The following ZP3 variants were observed in gnomAD, a reference collection of about 807,000 sequenced individuals.
ZP3 encodes zona pellucida glycoprotein 3.
A neutral mutation model predicts 35.6 loss-of-function variants in ZP3; 21 were observed. The ratio of observed to expected loss-of-function variants is 0.59; its 90% CI spans 0.42 to 0.85. The LOEUF (loss-of-function observed/expected upper bound fraction) is 0.85, where lower values mean the gene tolerates loss of function less well. Among genes scored for constraint, ZP3 ranks in the 40% least tolerant of loss-of-function variants. The probability of loss-of-function intolerance (pLI) is 0.00; values close to 1 mark genes in which losing one functional copy is unlikely to be tolerated. For missense variants in ZP3, 437 were observed against 536.5 expected (o/e 0.81, Z 1.83); for synonymous variants, 207 against 214.5 (o/e 0.96, Z 0.31).
intron 5 of ZP3, among the ~76,000 whole-genome samples, chr7:76,435,164 G>A (rs1208103493): frequency 6.6e-6 from 1 of 152,166 alleles, no homozygotes; most frequent in East Asian, 1.9e-4. Flanking sequence ...GGTTAACACG[G>A]TGAAACCCCC....
rs1805883881 is a variant in ZP3 at position 76,433,139 on chromosome 7, T to TTTTGGTTGGTTTTGGTTGGC, written c.535+128_535+129insCTTTGGTTGGTTTTGGTTGG. ...TTTGTTTGGTTTTGGTTTTGGTTGGTTTTGGTTGGTTTTGGTTGGTTTTGG... is the reference window on the plus strand; with the variant it reads ...TTTGTTTGGTTTTGGTTTTGGTTGGTTTTGGTTGGTTTTGGTTGGCTTTGGTTGGTTTTGGTTGGTTTTGG... On this transcript the variant is annotated intron_variant, in intron 3 of 7. Coordinates refer to ENST00000394857, the MANE Select transcript of ZP3 (RefSeq NM_001110354.2). The TTTTGGTTGGTTTTGGTTGGC allele has an allele frequency of 3.4e-5, 22 of 651,536 alleles. No homozygotes were observed. The South Asian group carries it at 4.1e-4, about 12-fold the overall frequency. The allele number at this position is 651,536 out of a possible 1,614,324, so 40.4% of individuals were successfully genotyped here. A position where few individuals can be genotyped will look rare whatever the true frequency, so the allele number is the denominator to read the frequency against.
chr7:76,425,556 G>A (rs1265140078), intron 1 of ZP3, among the ~76,000 whole-genome samples: 1 of 152,006 alleles, frequency 6.6e-6, no homozygotes, highest in African/African-American at 2.4e-5. Flanking sequence ...GTGGGTTTGT[G>A]ACACACACAG....
At position 76,429,624 on chromosome 7, in the gene ZP3, G is replaced by T. The variant is rs772430243; in HGVS notation, c.422G>T (p.Arg141Leu). The T allele has an allele frequency of 1.9e-6, 3 of 1,613,922 alleles. No individual in the cohort carries two copies. The highest frequency in any genetic ancestry group is 1.1e-5 in the South Asian group (1 of 91,060). Reference sequence around the variant, plus strand: ...CGCGCAGAGATTCCCATCGAGTGCCGCTACCCCAGGTCGGTGTGGGACTGA... The same window carrying T: ...CGCGCAGAGATTCCCATCGAGTGCCTCTACCCCAGGTCGGTGTGGGACTGA... Reference protein sequence around the residue: ...TNRAEIPIECRYPRQGNVSSQ... With the variant: ...TNRAEIPIECLYPRQGNVSSQ... The change falls in exon 2 of 8, where the codon CGC becomes CTC. Residue 141 changes from arginine (R) to leucine (L), a missense_variant. Coordinates refer to ENST00000394857, the MANE Select transcript of ZP3 (RefSeq NM_001110354.2).
intron 2 of ZP3, 146 bp downstream of exon 2, chr7:76,429,779 G>T: frequency 1.4e-6 from 1 of 708,916 alleles, no homozygotes; most frequent in Non-Finnish European, 2.4e-6. Flanking sequence ...ACTGTACTGC[G>T]TGGGATTGTG....
chr7:76,429,293 T>TG (rs1273658668), intron 1 of ZP3: 3 of 530,828 alleles, frequency 5.7e-6, no homozygotes, highest in Non-Finnish European at 1.0e-5. Context: ...TTTGTAGAGA[T>TG]GGGGTCTTGC....
intron 1 of ZP3, among the ~76,000 whole-genome samples, chr7:76,405,339 C>CTTTCTTTCTTTCTTTTTTTCTT (rs1271510975): frequency 4.7e-5 from 1 of 21,394 alleles, no homozygotes; most frequent in Admixed American, 6.1e-4. Context: ...TTCTTTCTTT[C>CTTTCTTTCTTTCTTTTTTTCTT]TTTTTTTTTT....
chr7:76,405,293 A>T (rs1216387146), intron 1 of ZP3, among the ~76,000 whole-genome samples: 10 of 47,070 alleles, frequency 2.1e-4, no homozygotes, highest in African/African-American at 9.8e-4. Context: ...ATATATATAT[A>T]TATATATATA....
In ZP3 at chr7:76,400,559, G is replaced by A. The variant is rs528086616; in HGVS notation, c.-67+2762G>A. The A allele has an allele frequency of 1.3e-4, 188 of 1,497,632 alleles. No homozygotes were observed. In the African/African-American group the frequency reaches 1.9e-3, roughly 15 times the overall value. 92.8% of individuals were successfully genotyped at this position (1,497,632 alleles called of 1,614,324 possible). On this transcript the variant is annotated intron_variant, in intron 1 of 8. Coordinates refer to the ZP3 transcript ENST00000336517. ...CCGTGCATGACTTCCAGGCGGCCCC[G>A]GCAGCGGCTGGGGCCCCCCACCAGC...
chr7:76,437,203 T>G (rs1584072466), intron 5 of ZP3, among the ~76,000 whole-genome samples: 1 of 117,994 alleles, frequency 8.5e-6, no homozygotes, highest in Admixed American at 1.2e-4. Flanking sequence ...TTGGACAGAG[T>G]CTCGCTCTGT....
intron 1 of ZP3, among the ~76,000 whole-genome samples, chr7:76,427,453 T>C (rs1454282600): frequency 6.7e-6 from 1 of 149,060 alleles, no homozygotes; most frequent in Non-Finnish European, 1.5e-5. Context: ...GAGGCGTAGG[T>C]TGCAGTGAGT....
At chr7:76,433,899 A>T (rs1462564296) in intron 4 of ZP3, 139 bp from the exon 5 acceptor site, 1 of 900,732 alleles carries the variant, frequency 1.1e-6, no homozygotes, top group African/African-American at 1.7e-5. Context: ...AGGTTTCACC[A>T]TGTTTGCCAG....
chr7:76,424,197 C>T (rs1377030253), upstream of ZP3, among the ~76,000 whole-genome samples: 2 of 152,150 alleles, frequency 1.3e-5, no homozygotes, highest in Non-Finnish European at 2.9e-5. Flanking sequence ...GCTCCCTTGC[C>T]GGGCTGCGAG....
chr7:76,399,522 A>G (rs548263129), intron 1 of ZP3, among the ~76,000 whole-genome samples: 2 of 151,318 alleles, frequency 1.3e-5, no homozygotes, highest in African/African-American at 4.8e-5. Context: ...GGCCAGTGTG[A>G]CCCCAATAGT....
chr7:76,425,797 T>TC (rs1254118032), intron 1 of ZP3, among the ~76,000 whole-genome samples: 3 of 152,074 alleles, frequency 2.0e-5, no homozygotes, highest in Non-Finnish European at 4.4e-5. Flanking sequence ...AGACCCCATC[T>TC]CTTAAGCCTT....
intron 1 of ZP3, among the ~76,000 whole-genome samples, chr7:76,426,906 AC>A (rs201100638): frequency 0.025 from 3,642 of 145,670 alleles, 136 homozygotes; most frequent in East Asian, 0.13. Flanking sequence ...ACACACACAC[AC>A]AATAGGGTGT....
chr7:76,405,274 TATATATATA>T (rs1804964219), intron 1 of ZP3, among the ~76,000 whole-genome samples: 25 of 21,244 alleles, frequency 1.2e-3, no homozygotes, highest in African/African-American at 1.9e-3. Flanking sequence ...CAGCTAATTA[TATATATATA>T]TATATATATA....
intron 7 of ZP3, among the ~76,000 whole-genome samples, chr7:76,441,237 T>C (rs538723709): frequency 2.6e-5 from 4 of 151,510 alleles, no homozygotes; most frequent in Admixed American, 6.6e-5. Flanking sequence ...TTGGGGAGGC[T>C]GAGGCCAGGG....
chr7:76,441,636 C>T (rs1806201614), intron 7 of ZP3, among the ~76,000 whole-genome samples: 1 of 152,180 alleles, frequency 6.6e-6, no homozygotes, highest in South Asian at 2.1e-4. Flanking sequence ...GATCTGCCTG[C>T]CTCAGCCTCC....
chr7:76,440,199 TCCC>T, intron 5 of ZP3, 48 bp from the exon 6 acceptor site: 1 of 1,571,684 alleles, frequency 6.4e-7, no homozygotes, highest in Non-Finnish European at 8.7e-7. Context: ...TGTGTTAAAC[TCCC>T]AGGCACAGCC....
Sources: gnomAD v4.1 joint callset for allele counts (sites outside exome capture counted in the v4.1 genomes callset) on GRCh38, gnomAD v4.1.1 for gene constraint, MANE v1.5 for transcripts, NCBI Gene and HGNC (gene_info 2026-07-23, HGNC 2026-07-21) for gene names.